The following TCF4 variants were observed in gnomAD, a reference collection of about 807,000 sequenced individuals.
TCF4 encodes the protein SL3-3 enhancer factor 2.
A neutral mutation model predicts 82.1 loss-of-function variants in TCF4; 3 were observed. The ratio of observed to expected loss-of-function variants is 0.04; its 90% confidence interval spans 0.02 to 0.09. The LOEUF (loss-of-function observed/expected upper bound fraction) is 0.09. Ranked by LOEUF, TCF4 falls within the 10% of genes least tolerant of loss-of-function variation. The pLI, the probability that TCF4 is intolerant of heterozygous loss-of-function variation, is 1.00. For synonymous variants in TCF4, 276 were observed against 309.6 expected, an observed-to-expected ratio of 0.89 and a Z score of 1.14; for missense variants, 518 against 852.7, an observed-to-expected ratio of 0.61 and a Z score of 4.89.
At chr18:55,521,900 C>T (rs556999020) in intron 3 of TCF4, among the ~76,000 whole-genome samples, 3 of 152,242 alleles carry the variant, frequency 2.0e-5, no homozygotes, top group East Asian at 1.9e-4. Flanking sequence ...AAACAACATA[C>T]ATTTACAGTC....
intron 6 of TCF4, among the ~76,000 whole-genome samples, chr18:55,361,454 C>T (rs543845008): frequency 8.5e-5 from 13 of 152,322 alleles, no homozygotes; most frequent in African/African-American, 1.2e-4. Context: ...GAATTGCTCA[C>T]GGTTCCCTAA....
chr18:55,502,925 A>C (rs1002751106), intron 3 of TCF4, among the ~76,000 whole-genome samples: 1 of 152,222 alleles, frequency 6.6e-6, no homozygotes, highest in African/African-American at 2.4e-5. Context: ...GAGATATTCA[A>C]CCTTACAGTG....
At chr18:55,598,541 G>C (rs2097693581) in intron 2 of TCF4, among the ~76,000 whole-genome samples, 1 of 152,196 alleles carries the variant, frequency 6.6e-6, no homozygotes, top group African/African-American at 2.4e-5. Context: ...TGCCTGAGAA[G>C]AACATTCTGG....
At chr18:55,500,333 T>C (rs1178434640) in intron 3 of TCF4, among the ~76,000 whole-genome samples, 4 of 152,080 alleles carry the variant, frequency 2.6e-5, no homozygotes, top group Non-Finnish European at 2.9e-5. Flanking sequence ...GAATTAGGAA[T>C]AGCAGGGGAA....
intron 8 of TCF4, among the ~76,000 whole-genome samples, chr18:55,329,904 A>G (rs2077214932): frequency 6.6e-6 from 1 of 152,226 alleles, no homozygotes; most frequent in African/African-American, 2.4e-5. Flanking sequence ...ATTTCTAAAT[A>G]TGAGTCAAAA....
At chr18:55,242,223 C>T (rs757571532) in intron 15 of TCF4, among the ~76,000 whole-genome samples, 4 of 152,190 alleles carry the variant, frequency 2.6e-5, no homozygotes, top group Non-Finnish European at 5.9e-5. Flanking sequence ...ACAGACACCA[C>T]CCTTAAAACA....
chr18:55,357,029 G>C (rs542979171), intron 6 of TCF4, among the ~76,000 whole-genome samples: 36 of 152,218 alleles, frequency 2.4e-4, no homozygotes, highest in Non-Finnish European at 4.7e-4. Context: ...GTATAACAGA[G>C]TAACAGTCAA....
At chr18:55,495,736 G>GA (rs1182373936) in intron 3 of TCF4, 2 of 152,078 alleles carry the variant, frequency 1.3e-5, no homozygotes, top group African/African-American at 4.8e-5. Flanking sequence ...TGATGTTGTA[G>GA]AAAACAATGT....
chr18:55,311,796 G>T lies in TCF4; in HGVS notation c.550-32140C>A, dbSNP rs143504446. ...TTTATCATTTTCAACTAAATGTTCT[G>T]AACTACATGCAATAATCAAAATAAT... On this transcript the variant is annotated intron_variant, in intron 8 of 19. Transcript: ENST00000354452. 9.4e-3 allele frequency among the ~76,000 whole-genome samples: 1,437 copies of T among 152,230 alleles called. 5 individuals are homozygous for T. The highest frequency in any genetic ancestry group is 0.014 in the Non-Finnish European group (926 of 68,012).
chr18:55,335,882 A>G (rs1335141585), intron 8 of TCF4, among the ~76,000 whole-genome samples: 1 of 152,134 alleles, frequency 6.6e-6, no homozygotes. Flanking sequence ...TAAACTTCCA[A>G]TTAAAAATGA....
In TCF4 at chr18:55,542,961, T is replaced by A. The variant is rs549746030; in HGVS notation, c.145+42319A>T. Among the ~76,000 whole-genome samples, 12 of 152,140 alleles carry A rather than the reference T, an allele frequency of 7.9e-5. No homozygotes were observed. The South Asian group carries it at 2.5e-3, about 32-fold the overall frequency. The stretch of plus-strand genomic sequence containing the variant: ...TATGGAAAACAAATCTCCCAGGCAC[T>A]CCCCATTTACTGTCAAGCACTAAGC... On this transcript the variant is annotated intron_variant, in intron 3 of 19. Coordinates refer to ENST00000354452, the MANE Select transcript of TCF4 (RefSeq NM_001083962.2).
intron 6 of TCF4, among the ~76,000 whole-genome samples, chr18:55,382,275 A>G (rs964553859): frequency 2.0e-5 from 3 of 152,128 alleles, no homozygotes; most frequent in African/African-American, 7.2e-5. Flanking sequence ...AGGACATCAC[A>G]GCTTTAGTCA....
chr18:55,619,018 T>G (rs2097715048), intron 2 of TCF4, among the ~76,000 whole-genome samples: 1 of 152,184 alleles, frequency 6.6e-6, no homozygotes, highest in Non-Finnish European at 1.5e-5. Context: ...CAGTGCTGGA[T>G]TCATAGAATG....
At chr18:55,521,282 A>AT (rs2096931032) in intron 3 of TCF4, among the ~76,000 whole-genome samples, 1 of 152,248 alleles carries the variant, frequency 6.6e-6, no homozygotes. Context: ...AGTTATAGTA[A>AT]TAAAAAATAA....
chr18:55,482,864 A>G (rs1022968165), intron 3 of TCF4: 1 of 152,124 alleles, frequency 6.6e-6, no homozygotes, highest in South Asian at 2.1e-4. Flanking sequence ...TCACTCCTCT[A>G]TCAACTCAGC....
intron 5 of TCF4, among the ~76,000 whole-genome samples, chr18:55,414,989 T>A (rs574402599): frequency 6.6e-6 from 1 of 152,324 alleles, no homozygotes; most frequent in East Asian, 1.9e-4. Flanking sequence ...AACAGGAATT[T>A]TTCTACTAGG....
At chr18:55,355,285 A>G (rs2083225167) in intron 6 of TCF4, among the ~76,000 whole-genome samples, 1 of 152,208 alleles carries the variant, frequency 6.6e-6, no homozygotes, top group Admixed American at 6.5e-5. Context: ...TACAAGTTAG[A>G]TTTGTTTAAA....
chr18:55,513,369 CTT>C (rs71167299), intron 3 of TCF4, among the ~76,000 whole-genome samples: 15,698 of 141,960 alleles, frequency 0.11, 985 homozygotes, highest in Admixed American at 0.23. Context: ...TAGCCCTCAG[CTT>C]TTTTTTTTTT....
chr18:55,245,163 C>G (rs568332743), intron 15 of TCF4, among the ~76,000 whole-genome samples: 21 of 152,298 alleles, frequency 1.4e-4, no homozygotes, highest in African/African-American at 4.3e-4. Context: ...GTTCTCACTC[C>G]TAAAGCTGCT....
Sources: allele counts gnomAD v4.1 joint callset (sites outside exome capture counted in the v4.1 genomes callset), GRCh38; gene constraint gnomAD v4.1.1; transcripts MANE v1.5; gene names NCBI Gene and HGNC (gene_info 2026-07-23, HGNC 2026-07-21).